RORB: variants seen among roughly 807,000 people sequenced by gnomAD.
RORB encodes nuclear receptor ROR-beta.
RORB carries 6 observed loss-of-function variants against 59.1 expected under a neutral mutation model. That is an observed-to-expected ratio of 0.10 (90% CI 0.06 to 0.20). The LOEUF (loss-of-function observed/expected upper bound fraction) is 0.20, where lower values mean the gene tolerates loss of function less well. Ranked by LOEUF, RORB falls within the 10% of genes least tolerant of loss-of-function variation. The pLI, the probability that RORB is intolerant of heterozygous loss-of-function variation, is 1.00. For missense variants in RORB, 320 were observed against 560.5 expected (o/e 0.57, Z 4.33); for synonymous variants, 215 against 204.5 (o/e 1.05, Z -0.44).
chr9:74,600,417 G>A (rs189377382), intron 1 of RORB, among the ~76,000 whole-genome samples: 2 of 152,298 alleles, frequency 1.3e-5, no homozygotes, highest in Non-Finnish European at 1.5e-5. Context: ...AAACCTCTCC[G>A]TTCATCACTG....
intron 1 of RORB, among the ~76,000 whole-genome samples, chr9:74,510,320 G>A (rs1825919063): frequency 6.6e-6 from 1 of 152,032 alleles, no homozygotes; most frequent in African/African-American, 2.4e-5. Flanking sequence ...CTTATCTCAG[G>A]TGATCCTCTT....
At position 74,692,624 on chromosome 9, in the gene RORB, A is replaced by G. The variant is rs1824764439; in HGVS notation, c.*7006A>G. On this transcript the variant is annotated 3_prime_UTR_variant, in exon 10 of 10. Transcript: ENST00000376896. ...TGCACACCACTGTTGGCAATGCATA[A>G]AAGTTGCATTGCCACAAGTATGTAA... 6.6e-6 allele frequency: 1 copy of G among 152,182 alleles called. No homozygotes were observed. The highest frequency in any genetic ancestry group is 1.5e-5 in the Non-Finnish European group (1 of 68,024). 9.4% of individuals were successfully genotyped at this position (152,182 alleles called of 1,614,324 possible).
chr9:74,642,216 C>T (rs956382889), intron 3 of RORB, among the ~76,000 whole-genome samples, 198 bp from the exon 4 acceptor site: 1 of 152,134 alleles, frequency 6.6e-6, no homozygotes, highest in East Asian at 1.9e-4. Context: ...TCACTGTGGG[C>T]ATAAACCAGG....
rs1824712064 is a variant in RORB at position 74,689,918 on chromosome 9, C to A, written c.*4300C>A. 1 of 152,098 alleles carries A rather than the reference C, an allele frequency of 6.6e-6. No individual in the cohort carries two copies. Among genetic ancestry groups the A allele is most frequent in the African/African-American group, 2.4e-5 (1 of 41,402 alleles). 9.4% of individuals were successfully genotyped at this position (152,098 alleles called of 1,614,324 possible). A position where few individuals can be genotyped will look rare whatever the true frequency, so the allele number is the denominator to read the frequency against. On this transcript the variant is annotated 3_prime_UTR_variant, in exon 10 of 10. Transcript: ENST00000376896. ...ATAGAAGCAAGGAAAAATTCTATTT[C>A]TATTGGAAATTAGAAGAAATAATTT... is the stretch of plus-strand genomic sequence containing the variant.
At position 74,662,509 on chromosome 9, in the gene RORB, G is replaced by T. The variant is rs780368322; in HGVS notation, c.795G>T (p.Gln265His). 1 of 1,614,112 alleles carries T rather than the reference G, an allele frequency of 6.2e-7. No homozygotes were observed. Among genetic ancestry groups the T allele is most frequent in the Admixed American group, 1.7e-5 (1 of 60,012 alleles). The change falls in exon 6 of 10, where the codon CAG (glutamine) becomes CAT (histidine). Residue 265 changes from glutamine to histidine, a missense_variant. By Grantham distance (24) the Gln-to-His change is conservative (BLOSUM62 0). This residue lies in a region of RORB where 40 missense variants were observed against 116.9 expected (regional missense o/e 0.34). Coordinates refer to ENST00000376896, the MANE Select transcript of RORB (RefSeq NM_006914.4). Reference protein sequence around the residue: ...REALWQQCAIQITHAIQYVVE... With the variant: ...REALWQQCAIHITHAIQYVVE... ...CACTGTGGCAACAATGTGCCATCCA[G>T]ATCACTCACGCCATCCAATACGTGG... is the stretch of plus-strand genomic sequence containing the variant.
intron 9 of RORB, among the ~76,000 whole-genome samples, chr9:74,683,031 A>C (rs1456544592): frequency 6.6e-6 from 1 of 152,186 alleles, no homozygotes; most frequent in East Asian, 1.9e-4. Flanking sequence ...TCTGAGCTTC[A>C]CCCAAACTCA....
intron 1 of RORB, among the ~76,000 whole-genome samples, chr9:74,528,227 G>A (rs1306424444): frequency 1.3e-5 from 2 of 151,994 alleles, no homozygotes; most frequent in Non-Finnish European, 2.9e-5. Context: ...AAGGGACTGA[G>A]GGGTTCTTAG....
In RORB at chr9:74,497,744, C is replaced by A. The variant is rs1031745606; in HGVS notation, c.-233C>A. On this transcript the variant is annotated 5_prime_UTR_variant, in exon 1 of 10. Coordinates refer to ENST00000376896, the MANE Select transcript of RORB (RefSeq NM_006914.4). ...TTCACCCTTCCTGAAAACAAACAAACAAACAAACAATCATCAAAACAGTCA... is the reference window on the plus strand; with the variant it reads ...TTCACCCTTCCTGAAAACAAACAAAAAAACAAACAATCATCAAAACAGTCA... 4 of 489,946 alleles carry A rather than the reference C, an allele frequency of 8.2e-6. No individual in the cohort carries two copies. Among genetic ancestry groups the A allele is most frequent in the Middle Eastern group, 3.2e-4 (1 of 3,158 alleles). 30.3% of individuals were successfully genotyped at this position (489,946 alleles called of 1,614,324 possible).
intron 1 of RORB, among the ~76,000 whole-genome samples, chr9:74,619,674 A>G (rs1223242739): frequency 6.6e-6 from 1 of 151,812 alleles, no homozygotes; most frequent in Non-Finnish European, 1.5e-5. Flanking sequence ...CTGGTTTCAT[A>G]CTCCTGACCT....
At chr9:74,559,002 G>A (rs1193482861) in intron 1 of RORB, among the ~76,000 whole-genome samples, 1 of 152,154 alleles carries the variant, frequency 6.6e-6, no homozygotes, top group African/African-American at 2.4e-5. Flanking sequence ...ATTCTAGGGA[G>A]AGTGTAACTG....
At chr9:74,580,513 C>T (rs1822706220) in intron 1 of RORB, among the ~76,000 whole-genome samples, 1 of 152,098 alleles carries the variant, frequency 6.6e-6, no homozygotes, top group Non-Finnish European at 1.5e-5. Flanking sequence ...CATTGGTACA[C>T]TAATTGATGG....
chr9:74,573,933 G>A (rs926330179), intron 1 of RORB, among the ~76,000 whole-genome samples: 5 of 152,046 alleles, frequency 3.3e-5, no homozygotes, highest in African/African-American at 1.2e-4. Context: ...GGGAAATAAG[G>A]TCTGTGGTCA....
intron 1 of RORB, among the ~76,000 whole-genome samples, chr9:74,546,127 G>A (rs1245814586): frequency 2.0e-5 from 3 of 152,146 alleles, no homozygotes; most frequent in African/African-American, 7.2e-5. Flanking sequence ...TCTAGATAAA[G>A]CAATCTAAAA....
At chr9:74,507,339 A>G (rs1825883112) in intron 1 of RORB, among the ~76,000 whole-genome samples, 1 of 152,132 alleles carries the variant, frequency 6.6e-6, no homozygotes. Context: ...AGACAATCTT[A>G]TTAAATAGGA....
At chr9:74,563,458 A>T (rs1199056700) in intron 1 of RORB, among the ~76,000 whole-genome samples, 1 of 152,182 alleles carries the variant, frequency 6.6e-6, no homozygotes, top group Non-Finnish European at 1.5e-5. Flanking sequence ...TCCTAGGATT[A>T]CAGGCATGAG....
At chr9:74,640,308 T>G (rs991053741) in intron 3 of RORB, among the ~76,000 whole-genome samples, 1 of 152,120 alleles carries the variant, frequency 6.6e-6, no homozygotes, top group African/African-American at 2.4e-5. Context: ...TGGCTCAGTC[T>G]CGGCTCACTG....
At chr9:74,530,642 T>C (rs939590349) in intron 1 of RORB, among the ~76,000 whole-genome samples, 7 of 152,126 alleles carry the variant, frequency 4.6e-5, no homozygotes, top group African/African-American at 1.7e-4. Flanking sequence ...TTAAGAACAT[T>C]GATCCTTCCA....
intron 1 of RORB, among the ~76,000 whole-genome samples, chr9:74,519,798 C>T (rs1826057963): frequency 6.6e-6 from 1 of 151,844 alleles, no homozygotes; most frequent in African/African-American, 2.4e-5. Context: ...AATGTGTCTT[C>T]CCAAGGATGC....
At chr9:74,643,499 C>G (rs1056561569) in intron 4 of RORB, among the ~76,000 whole-genome samples, 2 of 152,238 alleles carry the variant, frequency 1.3e-5, no homozygotes, top group Admixed American at 1.3e-4. Context: ...AGTGCCCTGC[C>G]TTAGGCAAGC....
Sources: allele counts gnomAD v4.1 joint callset (sites outside exome capture counted in the v4.1 genomes callset), GRCh38; gene constraint gnomAD v4.1.1; regional missense constraint gnomAD v4.1.1; transcripts MANE v1.5; gene names NCBI Gene and HGNC (gene_info 2026-07-23, HGNC 2026-07-21).